The following PRR14L variants were observed in gnomAD, a reference collection of about 807,000 sequenced individuals.
PRR14L encodes protein PRR14L.
In PRR14L, 80 loss-of-function variants were observed where a neutral mutation model predicts 155.0. The ratio of observed to expected loss-of-function variants is 0.52; its 90% CI spans 0.43 to 0.62. PRR14L has a LOEUF of 0.62. Among genes scored for constraint, PRR14L ranks in the 20% least tolerant of loss-of-function variants. The pLI, the probability that PRR14L is intolerant of heterozygous loss-of-function variation, is 0.00. For missense variants in PRR14L, 2,469 were observed against 2,548.0 expected (o/e 0.97, Z 0.67); for synonymous variants, 883 against 916.0 (o/e 0.96, Z 0.65).
intron 4 of PRR14L, among the ~76,000 whole-genome samples, chr22:31,709,021 C>T (rs886068846): frequency 9.2e-5 from 14 of 152,068 alleles, no homozygotes; most frequent in African/African-American, 3.4e-4. Flanking sequence ...TGGGGTTTCT[C>T]CACGTTGGTC....
At position 31,685,713 on chromosome 22, in the gene PRR14L, A is replaced by C; in HGVS notation, c.6270T>G (p.Phe2090Leu). The C allele has an allele frequency of 6.4e-7, 1 of 1,551,644 alleles. No homozygotes were observed. The highest frequency in any genetic ancestry group is 8.7e-7 in the Non-Finnish European group (1 of 1,146,984). Residue 2090 changes from phenylalanine to leucine, a missense_variant, in exon 9 of 9, where the codon TTT (phenylalanine) becomes TTG (leucine). Coordinates refer to ENST00000327423, the MANE Select transcript of PRR14L (RefSeq NM_173566.3). ...TCTTTCGCGGGACTGTAAAATCCTGAAATTCTAGAACTCGCTTCCTCTTCT... is the reference window on the plus strand; with the variant it reads ...TCTTTCGCGGGACTGTAAAATCCTGCAATTCTAGAACTCGCTTCCTCTTCT... ...SQQKRKRVLE[F>L]QDFTVPRKRR...
intron 1 of PRR14L, among the ~76,000 whole-genome samples, chr22:31,742,232 A>C (rs913363083): frequency 6.6e-6 from 1 of 152,194 alleles, no homozygotes. Context: ...CACCTTATGC[A>C]TCTGATCCTG....
chr22:31,711,484 TAAAC>T (rs1355319863), intron 4 of PRR14L, among the ~76,000 whole-genome samples: 2 of 149,288 alleles, frequency 1.3e-5, no homozygotes, highest in Admixed American at 6.7e-5. Context: ...AATAAATAAA[TAAAC>T]AAATAAATAA....
chr22:31,727,495 A>C (rs1269236212), intron 2 of PRR14L, among the ~76,000 whole-genome samples: 3 of 151,822 alleles, frequency 2.0e-5, no homozygotes, highest in Admixed American at 1.3e-4. Flanking sequence ...TTGGCCTCTC[A>C]AAGTGCTAGG....
chr22:31,697,677 G>T (rs1669882712), intron 7 of PRR14L, among the ~76,000 whole-genome samples: 3 of 152,048 alleles, frequency 2.0e-5, no homozygotes, highest in East Asian at 1.9e-4. Flanking sequence ...ACCAGCCTGG[G>T]GAACATGGCA....
chr22:31,685,697 G>C lies in PRR14L; in HGVS notation c.6286C>G (p.Pro2096Ala), dbSNP rs1178347830. Residue 2096 changes from proline to alanine, a missense_variant, in exon 9 of 9, where the codon CCG (proline) becomes GCG (alanine). Pro to Ala is a conservative substitution (Grantham distance 27). Coordinates refer to ENST00000327423, the MANE Select transcript of PRR14L (RefSeq NM_173566.3). ...RVLEFQDFTV[P>A]RKRRARGKVK... ...TTGCCTCGAGCTCTCCTCTTTCGCGGGACTGTAAAATCCTGAAATTCTAGA... is the reference window on the plus strand; with the variant it reads ...TTGCCTCGAGCTCTCCTCTTTCGCGCGACTGTAAAATCCTGAAATTCTAGA... The C allele has an allele frequency of 1.9e-6, 3 of 1,551,622 alleles. No homozygotes were observed. In the South Asian group the frequency reaches 3.6e-5, roughly 18 times the overall value.
rs2074657790 is a variant in PRR14L at position 31,716,121 on chromosome 22, A to T, written c.1718T>A (p.Val573Glu). The T allele has an allele frequency of 1.3e-6, 2 of 1,550,548 alleles. No individual in the cohort carries two copies. The highest frequency in any genetic ancestry group is 3.9e-5 in the Admixed American group (2 of 50,994). The change falls in exon 4 of 9, where the codon GTG (valine) becomes GAG (glutamate). Residue 573 changes from valine to glutamate, a missense_variant. By Grantham distance (121) the Val-to-Glu change is moderately radical. Around this residue, in one of 2 missense-constraint regions of PRR14L, gnomAD observed 2,363 missense variants for 2,371.6 expected, o/e 1.00. Coordinates refer to ENST00000327423, the MANE Select transcript of PRR14L (RefSeq NM_173566.3). Reference sequence around the variant, plus strand: ...TATTTGATCCTCTGGCATTAAACTCACAATGGATTTTCTTTCAAACAGAAA... The same window carrying T: ...TATTTGATCCTCTGGCATTAAACTCTCAATGGATTTTCTTTCAAACAGAAA... ...NDFLFERKSIVSLMPEDQISP... is the reference protein window; with the variant it reads ...NDFLFERKSIESLMPEDQISP...
chr22:31,685,678 C>T lies in PRR14L; in HGVS notation c.6305G>A (p.Arg2102Gln), dbSNP rs1000602606. 1.9e-6 allele frequency: 3 copies of T among 1,551,724 alleles called. No individual in the cohort carries two copies. Among genetic ancestry groups the T allele is most frequent in the Admixed American group, 2.0e-5 (1 of 50,982 alleles). Reference sequence around the variant, plus strand: ...GCTGCCTGCCACCTTGACTTTGCCTCGAGCTCTCCTCTTTCGCGGGACTGT... The same window carrying T: ...GCTGCCTGCCACCTTGACTTTGCCTTGAGCTCTCCTCTTTCGCGGGACTGT... The part of the protein sequence containing the change: ...DFTVPRKRRA[R>Q]GKVKVAGSFT... Residue 2102 changes from arginine to glutamine, a missense_variant, in exon 9 of 9, where the codon CGA (arginine) becomes CAA (glutamine). Around this residue, in one of 2 missense-constraint regions of PRR14L, gnomAD observed 106 missense variants for 176.4 expected, o/e 0.60. Coordinates refer to ENST00000327423, the MANE Select transcript of PRR14L (RefSeq NM_173566.3).
chr22:31,689,739 TTTTTA>T lies in PRR14L; in HGVS notation c.6108-1517_6108-1513del, dbSNP rs1205020013. Among the ~76,000 whole-genome samples, 10 of 151,050 alleles carry T rather than the reference TTTTTA, an allele frequency of 6.6e-5. No individual in the cohort carries two copies. The South Asian group carries it at 1.0e-3, about 16-fold the overall frequency. Reference sequence around the variant, plus strand: ...TGTGTGCCACCACAGCCGGCTTATTTTTTTATTTTATTTATTTATTTTTTGAGACA... The same window carrying T: ...TGTGTGCCACCACAGCCGGCTTATTTTTTTATTTATTTATTTTTTGAGACA... On this transcript the variant is annotated intron_variant, in intron 7 of 8. Transcript: ENST00000327423.
At chr22:31,727,399 A>T (rs1461150425) in intron 2 of PRR14L, among the ~76,000 whole-genome samples, 1 of 151,482 alleles carries the variant, frequency 6.6e-6, no homozygotes, top group Admixed American at 6.6e-5. Context: ...ACACCTGGTT[A>T]ATTTTTTGTA....
At position 31,703,711 on chromosome 22, in the gene PRR14L, G is replaced by A. The variant is rs757110617; in HGVS notation, c.5839C>T (p.Pro1947Ser). The A allele has an allele frequency of 1.9e-5, 31 of 1,590,374 alleles. No homozygotes were observed. Among genetic ancestry groups the A allele is most frequent in the East Asian group, 9.1e-5 (4 of 44,060 alleles). Residue 1947 changes from proline to serine, a missense_variant, in exon 6 of 9, where the codon CCA (proline) becomes TCA (serine). Physicochemically the swap from Pro to Ser is moderately conservative, Grantham distance 74 (BLOSUM62 -1). Coordinates refer to ENST00000327423, the MANE Select transcript of PRR14L (RefSeq NM_173566.3). Reference protein sequence around the residue: ...TSGSQTRLEPPFPALVPKSCL... With the variant: ...TSGSQTRLEPSFPALVPKSCL... ...GACTTTGGTACCAAGGCAGGGAATG[G>A]AGGCTCCAGCCTAGCACCATGAAGA...
chr22:31,710,072 C>A (rs557276289), intron 4 of PRR14L, among the ~76,000 whole-genome samples: 1 of 152,104 alleles, frequency 6.6e-6, no homozygotes, highest in Non-Finnish European at 1.5e-5. Flanking sequence ...TTTTGAGTAG[C>A]TGGGACTACA....
chr22:31,723,275 G>A (rs115296557), intron 3 of PRR14L, among the ~76,000 whole-genome samples: 2,270 of 152,264 alleles, frequency 0.015, 56 homozygotes, highest in African/African-American at 0.053. Flanking sequence ...ATTAGAACAT[G>A]AAGAAAAGTG....
At chr22:31,725,721 T>A in intron 2 of PRR14L, 111 bp from the exon 3 acceptor site, 1 of 696,896 alleles carries the variant, frequency 1.4e-6, no homozygotes, top group Non-Finnish European at 2.4e-6. Context: ...CAGACTGAAG[T>A]GCAATGGTTA....
intron 4 of PRR14L, among the ~76,000 whole-genome samples, chr22:31,707,175 T>C (rs568109009): frequency 4.6e-5 from 7 of 152,130 alleles, no homozygotes; most frequent in Admixed American, 6.6e-5. Context: ...TACCTTCCAT[T>C]TGAATTTAAA....
In PRR14L at chr22:31,748,691, CAGTA is replaced by C. The variant is rs563172871; in HGVS notation, c.-52+1298_-52+1301del. On this transcript the variant is annotated intron_variant, in intron 1 of 8. Coordinates refer to ENST00000327423, the MANE Select transcript of PRR14L (RefSeq NM_173566.3). ...GCAGATGGAAGATTTTTTGTCACTACAGTAAGTCAGGGAAGTGGGAGAGGGCATC... is the reference window on the plus strand; with the variant it reads ...GCAGATGGAAGATTTTTTGTCACTACAGTCAGGGAAGTGGGAGAGGGCATC... Among the ~76,000 whole-genome samples, 35 of 152,208 alleles carry C rather than the reference CAGTA, an allele frequency of 2.3e-4. No individual in the cohort carries two copies. The East Asian group carries it at 5.4e-3, about 24-fold the overall frequency.
Position 31,715,839 on chromosome 22 carries a change from G to A in PRR14L, c.2000C>T (p.Pro667Leu). 2 of 1,551,478 alleles carry A rather than the reference G, an allele frequency of 1.3e-6. No individual in the cohort carries two copies. The highest frequency in any genetic ancestry group is 1.7e-6 in the Non-Finnish European group (2 of 1,146,890). ...GTTTAAATGCAGTAGAGAGTCAGTT[G>A]GCAAATTTGCATGTTCTTGAGAATT... Reference protein sequence around the residue: ...SLNSQEHANLPTDSLLHLNKE... With the variant: ...SLNSQEHANLLTDSLLHLNKE... Residue 667 changes from proline (P) to leucine (L), a missense_variant, in exon 4 of 9, where the codon CCA becomes CTA. Pro to Leu is a moderately conservative substitution (Grantham distance 98). Around this residue, in one of 2 missense-constraint regions of PRR14L, gnomAD observed 2,363 missense variants for 2,371.6 expected, o/e 1.00. Coordinates refer to ENST00000327423, the MANE Select transcript of PRR14L (RefSeq NM_173566.3).
At chr22:31,746,607 C>T (rs556701926) in intron 1 of PRR14L, among the ~76,000 whole-genome samples, 3 of 152,220 alleles carry the variant, frequency 2.0e-5, no homozygotes, top group African/African-American at 4.8e-5. Flanking sequence ...ACTGGCTTGT[C>T]GTCTTTATCA....
intron 1 of PRR14L, among the ~76,000 whole-genome samples, chr22:31,747,884 G>C (rs909346698): frequency 2.7e-5 from 4 of 149,360 alleles, no homozygotes; most frequent in African/African-American, 9.9e-5. Flanking sequence ...AATCTCATCA[G>C]AATACATTTT....
Sources: allele counts gnomAD v4.1 joint callset (sites outside exome capture counted in the v4.1 genomes callset), GRCh38; gene constraint gnomAD v4.1.1; regional missense constraint gnomAD v4.1.1; transcripts MANE v1.5; gene names NCBI Gene and HGNC (gene_info 2026-07-23, HGNC 2026-07-21).